GLIS3: variants seen among roughly 807,000 people sequenced by gnomAD.
GLIS3 encodes the protein GLIS family zinc finger 3.
In GLIS3, 53 loss-of-function variants were observed where a neutral mutation model predicts 78.6. The ratio of observed to expected loss-of-function variants is 0.67; its 90% CI spans 0.54 to 0.85. GLIS3 has a LOEUF of 0.85. Among genes scored for constraint, GLIS3 ranks in the 40% least tolerant of loss-of-function variants. GLIS3 has a pLI of 0.00. For synonymous variants in GLIS3, 684 were observed against 509.9 expected (o/e 1.34, Z -4.60); for missense variants, 1,703 against 1,231.1 (o/e 1.38, Z -5.74).
chr9:4,155,931 C>G (rs963275413), intron 2 of GLIS3, among the ~76,000 whole-genome samples: 1 of 152,194 alleles, frequency 6.6e-6, no homozygotes, highest in African/African-American at 2.4e-5. Flanking sequence ...CATCTTCCCA[C>G]TACATGCTAC....
intron 2 of GLIS3, among the ~76,000 whole-genome samples, chr9:4,220,921 G>C (rs1053161040): frequency 6.6e-6 from 1 of 152,078 alleles, no homozygotes; most frequent in East Asian, 1.9e-4. Flanking sequence ...GGAGGTGGAG[G>C]TTGCAGTGAG....
chr9:4,281,644 A>G (rs1046958004), intron 2 of GLIS3, among the ~76,000 whole-genome samples: 5 of 152,216 alleles, frequency 3.3e-5, no homozygotes, highest in African/African-American at 7.2e-5. Flanking sequence ...ATAATATGCC[A>G]TTGTATGTAT....
At chr9:4,458,156 T>C in the GLIS3 span, among the ~76,000 whole-genome samples, 2 of 152,180 alleles carry the variant, frequency 1.3e-5, no homozygotes, top group African/African-American at 4.8e-5. Context: ...ATGCCAACTT[T>C]GTTCTCTCTT....
chr9:4,257,433 G>C (rs1465316356), intron 2 of GLIS3, among the ~76,000 whole-genome samples: 1 of 152,142 alleles, frequency 6.6e-6, no homozygotes, highest in Admixed American at 6.5e-5. Context: ...TAATAATATT[G>C]TATTGCATAT....
At chr9:4,450,474 T>G in the GLIS3 span, among the ~76,000 whole-genome samples, 1 of 152,094 alleles carries the variant, frequency 6.6e-6, no homozygotes, top group Non-Finnish European at 1.5e-5. Context: ...CAGGCCAACA[T>G]TCAAATTCAG....
At chr9:4,010,768 T>C (rs1821939477) in intron 4 of GLIS3, among the ~76,000 whole-genome samples, 2 of 152,196 alleles carry the variant, frequency 1.3e-5, no homozygotes, top group Non-Finnish European at 2.9e-5. Flanking sequence ...CTGTAAGGCA[T>C]AATTTTACTA....
At chr9:4,241,590 T>C (rs1823317924) in intron 2 of GLIS3, among the ~76,000 whole-genome samples, 1 of 152,148 alleles carries the variant, frequency 6.6e-6, no homozygotes, top group Non-Finnish European at 1.5e-5. Flanking sequence ...ATCCCCAAAA[T>C]ATGTACAGCT....
chr9:3,995,594 T>A (rs1454431794), intron 4 of GLIS3, among the ~76,000 whole-genome samples: 3 of 152,004 alleles, frequency 2.0e-5, no homozygotes, highest in Non-Finnish European at 2.9e-5. Context: ...AACAAGAGGC[T>A]GTGAAAATTG....
chr9:4,136,902 A>G (rs1273691847), intron 2 of GLIS3, among the ~76,000 whole-genome samples: 1 of 152,184 alleles, frequency 6.6e-6, no homozygotes, highest in Non-Finnish European at 1.5e-5. Flanking sequence ...GCAAATTCCT[A>G]AGCTCCACTG....
intron 4 of GLIS3, among the ~76,000 whole-genome samples, chr9:4,050,136 GAC>G (rs1257102722): frequency 6.6e-6 from 1 of 151,642 alleles, no homozygotes; most frequent in Non-Finnish European, 1.5e-5. Context: ...CCGCTATAAA[GAC>G]ACATGCACAC....
intron 2 of GLIS3, among the ~76,000 whole-genome samples, chr9:4,343,015 A>G (rs1817856831): frequency 6.6e-6 from 1 of 152,136 alleles, no homozygotes; most frequent in Non-Finnish European, 1.5e-5. Flanking sequence ...AATGTTTAAC[A>G]TTGATAATCA....
chr9:4,378,960 T>C, the GLIS3 span, among the ~76,000 whole-genome samples: 1 of 152,314 alleles, frequency 6.6e-6, no homozygotes, highest in South Asian at 2.1e-4. Flanking sequence ...CCAAGTGTTT[T>C]GGGTTAAATG....
the GLIS3 span, among the ~76,000 whole-genome samples, chr9:4,399,378 T>C: frequency 1.1e-3 from 170 of 152,388 alleles, no homozygotes; most frequent in Middle Eastern, 6.8e-3. Context: ...CTCTTTTATA[T>C]GAATCATTAA....
chr9:4,148,835 T>C (rs764858128), intron 2 of GLIS3, among the ~76,000 whole-genome samples: 1 of 152,146 alleles, frequency 6.6e-6, no homozygotes, highest in Non-Finnish European at 1.5e-5. Context: ...GGGGGTAACG[T>C]GGCCAGAGCT....
chr9:4,485,225 G>A, the GLIS3 span, among the ~76,000 whole-genome samples: 6 of 152,164 alleles, frequency 3.9e-5, no homozygotes, highest in African/African-American at 1.4e-4. Context: ...ATGTTGGCCA[G>A]GCTGTTCTTA....
chr9:3,974,194 T>C (rs1417631337), intron 4 of GLIS3, among the ~76,000 whole-genome samples: 2 of 152,150 alleles, frequency 1.3e-5, no homozygotes, highest in Non-Finnish European at 2.9e-5. Flanking sequence ...TTTTATGAAT[T>C]ACATACAGTG....
intron 2 of GLIS3, among the ~76,000 whole-genome samples, chr9:4,166,103 A>C (rs546107834): frequency 6.6e-6 from 1 of 152,308 alleles, no homozygotes; most frequent in Admixed American, 6.5e-5. Flanking sequence ...TCTGCACCTC[A>C]ATTACTCCCT....
chr9:4,250,310 T>C (rs1183451726), intron 2 of GLIS3, among the ~76,000 whole-genome samples: 1 of 152,216 alleles, frequency 6.6e-6, no homozygotes, highest in Non-Finnish European at 1.5e-5. Flanking sequence ...ATTGACCTAC[T>C]CAGGTATTCA....
intron 2 of GLIS3, among the ~76,000 whole-genome samples, chr9:4,187,655 A>G (rs1817934459): frequency 6.6e-6 from 1 of 152,056 alleles, no homozygotes; most frequent in African/African-American, 2.4e-5. Context: ...ATTTGTTTGT[A>G]TCCTCTTTTA....
Sources: gnomAD v4.1 joint callset for allele counts (sites outside exome capture counted in the v4.1 genomes callset) on GRCh38, gnomAD v4.1.1 for gene constraint, MANE v1.5 for transcripts, NCBI Gene and HGNC (gene_info 2026-07-23, HGNC 2026-07-21) for gene names.